PTPRG: variants seen among roughly 807,000 people sequenced by gnomAD.
The protein encoded by PTPRG is receptor-type tyrosine-protein phosphatase gamma.
Under a neutral mutation model 165.3 loss-of-function variants are expected in PTPRG, and 102 were observed. The observed-to-expected ratio is 0.62, with a 90% CI of 0.53 to 0.73. The LOEUF (loss-of-function observed/expected upper bound fraction) is 0.73, where lower values mean the gene tolerates loss of function less well. PTPRG is among the 30% of genes least tolerant of loss of function. PTPRG has a pLI of 0.00. For missense variants in PTPRG, 1,866 were observed against 1,861.4 expected (o/e 1.00, Z -0.05); for synonymous variants, 675 against 669.5 (o/e 1.01, Z -0.13).
intron 5 of PTPRG, among the ~76,000 whole-genome samples, chr3:62,085,956 T>A (rs1016685804): frequency 6.6e-6 from 1 of 152,178 alleles, no homozygotes; most frequent in African/African-American, 2.4e-5. Flanking sequence ...ATTTTATCTT[T>A]GGGAGCTAGG....
chr3:61,680,256 G>A (rs1164899393), intron 1 of PTPRG, among the ~76,000 whole-genome samples: 1 of 152,040 alleles, frequency 6.6e-6, no homozygotes, highest in Non-Finnish European at 1.5e-5. Context: ...ACAGTTAATT[G>A]TGAAGTCGCC....
intron 5 of PTPRG, among the ~76,000 whole-genome samples, chr3:62,078,575 TA>T (rs11434099): frequency 8.6e-5 from 13 of 151,286 alleles, no homozygotes; most frequent in East Asian, 3.9e-4. Flanking sequence ...GAGACTGATA[TA>T]AAAAAAAAGG....
chr3:62,159,892 G>A (rs1275888890), intron 7 of PTPRG, among the ~76,000 whole-genome samples: 1 of 152,192 alleles, frequency 6.6e-6, no homozygotes, highest in Non-Finnish European at 1.5e-5. Flanking sequence ...GGTCACAGCT[G>A]TGTCAGCCCT....
At chr3:61,752,090 G>A (rs187086847) in intron 2 of PTPRG, among the ~76,000 whole-genome samples, 4 of 152,168 alleles carry the variant, frequency 2.6e-5, no homozygotes, top group Non-Finnish European at 4.4e-5. Context: ...TATTACTTTT[G>A]CTGCAATTAA....
At chr3:61,865,803 C>A (rs1293216993) in intron 2 of PTPRG, among the ~76,000 whole-genome samples, 1 of 152,224 alleles carries the variant, frequency 6.6e-6, no homozygotes, top group African/African-American at 2.4e-5. Flanking sequence ...GCCGGAGCAA[C>A]CCCAGAAGGC....
At chr3:61,713,327 A>ATTTTTTTTTTTTTTTTTTTTT (rs556907427) in intron 1 of PTPRG, among the ~76,000 whole-genome samples, 6 of 135,502 alleles carry the variant, frequency 4.4e-5, no homozygotes, top group Non-Finnish European at 9.6e-5. Context: ...CGCTCAGCTA[A>ATTTTTTTTTTTTTTTTTTTTT]TTTTTTTTTT....
At chr3:61,787,200 G>T (rs557442333) in intron 2 of PTPRG, among the ~76,000 whole-genome samples, 243 of 152,240 alleles carry the variant, frequency 1.6e-3, no homozygotes, top group African/African-American at 5.3e-3. Flanking sequence ...CCCAAATAAA[G>T]TGATTGATAA....
intron 1 of PTPRG, among the ~76,000 whole-genome samples, chr3:61,654,932 C>T (rs545673264): frequency 2.0e-5 from 3 of 151,914 alleles, no homozygotes; most frequent in South Asian, 4.2e-4. Flanking sequence ...TAGGTGCCCA[C>T]CACCATGCCC....
At chr3:61,844,470 G>A (rs891952575) in intron 2 of PTPRG, among the ~76,000 whole-genome samples, 9 of 152,242 alleles carry the variant, frequency 5.9e-5, no homozygotes, top group African/African-American at 1.7e-4. Flanking sequence ...TCCTGTATCA[G>A]AAATTCAAAT....
intron 1 of PTPRG, among the ~76,000 whole-genome samples, chr3:61,583,328 ACAGTG>A (rs1700350639): frequency 6.6e-6 from 1 of 152,128 alleles, no homozygotes; most frequent in East Asian, 1.9e-4. Flanking sequence ...TGGCTTCCTT[ACAGTG>A]GTCTTGTAAA....
Position 62,086,228 on chromosome 3 carries a change from CTT to C in PTPRG, c.615+7974_615+7975del, listed in dbSNP as rs1701748616. On this transcript the variant is annotated intron_variant, in intron 5 of 29. Coordinates refer to ENST00000474889, the MANE Select transcript of PTPRG (RefSeq NM_002841.4). Reference sequence around the variant, plus strand: ...TTCTTTTTAACTATCCCAAAAGAGTCTTTTTCTTTTTTTGATGAAGAATAAAT... The same window carrying C: ...TTCTTTTTAACTATCCCAAAAGAGTCTTTCTTTTTTTGATGAAGAATAAAT... Among the ~76,000 whole-genome samples the C allele has an allele frequency of 1.3e-5, 2 of 150,488 alleles. 1 individual carries two copies. Among genetic ancestry groups the C allele is most frequent in the South Asian group, 4.2e-4 (2 of 4,782 alleles).
chr3:61,632,628 T>C (rs532341187), intron 1 of PTPRG, among the ~76,000 whole-genome samples: 14 of 152,304 alleles, frequency 9.2e-5, no homozygotes, highest in African/African-American at 3.1e-4. Flanking sequence ...CTGCTAGTTA[T>C]TTGGAAACCC....
chr3:61,768,453 A>G (rs991723664), intron 2 of PTPRG, among the ~76,000 whole-genome samples: 1 of 152,214 alleles, frequency 6.6e-6, no homozygotes, highest in South Asian at 2.1e-4. Flanking sequence ...TCTCTTTGCC[A>G]GCCTCAGTAC....
At chr3:61,738,256 T>G (rs1453127140) in intron 1 of PTPRG, among the ~76,000 whole-genome samples, 3 of 41,282 alleles carry the variant, frequency 7.3e-5, no homozygotes, top group Non-Finnish European at 7.9e-5. Context: ...CTTTGTCCAT[T>G]TTTATATATA....
intron 1 of PTPRG, among the ~76,000 whole-genome samples, chr3:61,629,142 G>A (rs774842568): frequency 8.5e-5 from 13 of 152,070 alleles, no homozygotes; most frequent in African/African-American, 2.7e-4. Flanking sequence ...TGAACTTCCA[G>A]GTGTCCTAAG....
chr3:62,274,678 AT>A (rs1277666610), intron 23 of PTPRG, among the ~76,000 whole-genome samples: 1 of 152,192 alleles, frequency 6.6e-6, no homozygotes, highest in Non-Finnish European at 1.5e-5. Context: ...AGCTGAAGAA[AT>A]GAGACTGCCA....
At chr3:61,675,247 C>T (rs1423263483) in intron 1 of PTPRG, among the ~76,000 whole-genome samples, 1 of 152,076 alleles carries the variant, frequency 6.6e-6, no homozygotes, top group Non-Finnish European at 1.5e-5. Context: ...GCTTGGATAA[C>T]TTTTCCGGAG....
intron 1 of PTPRG, among the ~76,000 whole-genome samples, chr3:61,696,065 A>G (rs2030569477): frequency 6.6e-6 from 1 of 152,152 alleles, no homozygotes; most frequent in Admixed American, 6.5e-5. Context: ...TCTTAAAATG[A>G]AGACTTTGAG....
At chr3:62,167,416 T>C (rs948940429) in intron 7 of PTPRG, among the ~76,000 whole-genome samples, 2 of 152,238 alleles carry the variant, frequency 1.3e-5, no homozygotes, top group African/African-American at 4.8e-5. Context: ...GGAACTGTTT[T>C]AAGCACTGTA....
Sources: allele counts gnomAD v4.1 joint callset (sites outside exome capture counted in the v4.1 genomes callset), GRCh38; gene constraint gnomAD v4.1.1; transcripts MANE v1.5; gene names NCBI Gene and HGNC (gene_info 2026-07-23, HGNC 2026-07-21).